The following LILRB1 variants were observed in gnomAD, a reference collection of about 807,000 sequenced individuals.
The protein encoded by LILRB1 is leukocyte immunoglobulin-like receptor subfamily B member 1.
A neutral mutation model predicts 74.6 loss-of-function variants in LILRB1; 59 were observed. The ratio of observed to expected loss-of-function variants is 0.79; its 90% CI spans 0.64 to 0.98. The LOEUF (loss-of-function observed/expected upper bound fraction) is 0.98, where lower values mean the gene tolerates loss of function less well. Among genes scored for constraint, LILRB1 ranks in the 50% least tolerant of loss-of-function variants. The pLI, the probability that LILRB1 is intolerant of heterozygous loss-of-function variation, is 0.00. For missense variants in LILRB1, 804 were observed against 822.6 expected (o/e 0.98, Z 0.28); for synonymous variants, 328 against 333.9 (o/e 0.98, Z 0.19).
intron 1 of LILRB1, among the ~76,000 whole-genome samples, chr19:54,624,584 G>T (rs937557279): frequency 6.6e-6 from 1 of 152,100 alleles, no homozygotes; most frequent in African/African-American, 2.4e-5. Flanking sequence ...GTTGCTGGCT[G>T]GGTGGGCCCG....
In LILRB1 at chr19:54,634,670, G is replaced by A. The variant is rs574281233; in HGVS notation, c.1393G>A (p.Gly465Ser). Residue 465 changes from glycine (G) to serine (S), a missense_variant, in exon 10 of 15, where the codon GGC (glycine) becomes AGC (serine). Physicochemically the swap from Gly to Ser is moderately conservative, Grantham distance 56. Coordinates refer to ENST00000324602, the MANE Select transcript of LILRB1 (RefSeq NM_001081637.3). ...GGGAAGGCACCTGGGGGTTGTGATC[G>A]GCATCTTGGTGGCCGTCATCCTACT... The part of the protein sequence containing the change: ...GLGRHLGVVI[G>S]ILVAVILLLL... 1.7e-5 allele frequency: 28 copies of A among 1,613,866 alleles called. 1 individual carries two copies. The highest frequency in any genetic ancestry group is 3.3e-4 in the Middle Eastern group (2 of 6,058).
At chr19:54,629,074 C>T (rs1334474305), upstream of LILRB1, among the ~76,000 whole-genome samples, 1 of 152,214 alleles carries the variant, frequency 6.6e-6, no homozygotes, top group Non-Finnish European at 1.5e-5. Context: ...AACTCAAAAT[C>T]CAGACAACCC....
chr19:54,625,944 G>A (rs1272286038), upstream of LILRB1, among the ~76,000 whole-genome samples: 5 of 148,962 alleles, frequency 3.4e-5, no homozygotes, highest in African/African-American at 5.0e-5. Flanking sequence ...CCCCTTCCCC[G>A]TGTTAGAGAA....
intron 1 of LILRB1, among the ~76,000 whole-genome samples, chr19:54,620,568 T>C (rs2063429152): frequency 6.6e-6 from 1 of 152,154 alleles, no homozygotes; most frequent in African/African-American, 2.4e-5. Context: ...GAGATCCAAA[T>C]GCACAGGAGG....
chr19:54,632,335 C>G, intron 5 of LILRB1, 98 bp downstream of exon 5: 1 of 1,553,054 alleles, frequency 6.4e-7, no homozygotes, highest in Non-Finnish European at 8.7e-7. Context: ...GATGTTGGGG[C>G]GAGAGGGCTC....
intron 1 of LILRB1, among the ~76,000 whole-genome samples, chr19:54,619,602 C>G (rs890406500): frequency 1.3e-4 from 20 of 152,126 alleles, no homozygotes; most frequent in Non-Finnish European, 1.0e-4. Context: ...TGATAGCTCT[C>G]TCCTTCACCT....
Position 54,633,871 on chromosome 19 carries a change from A to G in LILRB1, c.1313-100A>G, listed in dbSNP as rs376762872. 18,164 of 1,491,372 alleles carry G rather than the reference A, an allele frequency of 0.012. 1,500 individuals carry two copies. In the African/African-American group the frequency reaches 0.2, roughly 16 times the overall value. The allele number at this position is 1,491,372 out of a possible 1,614,324, so 92.4% of individuals were successfully genotyped here. A position where few individuals can be genotyped will look rare whatever the true frequency, so the allele number is the denominator to read the frequency against. On this transcript the variant is annotated intron_variant, in intron 8 of 14. Transcript: ENST00000324602. ...CTGGGCTGGTGAGGGGTGGGGGGTC[A>G]AGGCAGAGAGAAATGTTGGGGCCCA...
chr19:54,634,484 A>G (rs2064215208), intron 9 of LILRB1, 157 bp from the exon 10 acceptor site: 10 of 1,517,122 alleles, frequency 6.6e-6, no homozygotes, highest in Middle Eastern at 1.8e-4. Flanking sequence ...TCTGAGCGTC[A>G]GTTTTTCATC....
chr19:54,637,952 T>C lies in LILRB1; in HGVS notation c.*1074T>C, dbSNP rs760476555. ...CAGAGAATCTGACTCATTTTAGATG[T>C]GTGTGTGTGTGTATATATATGTGTG... On this transcript the variant is annotated 3_prime_UTR_variant, in exon 15 of 15. Coordinates refer to ENST00000324602, the MANE Select transcript of LILRB1 (RefSeq NM_001081637.3). Among the ~76,000 whole-genome samples, 2 of 146,906 alleles carry C rather than the reference T, an allele frequency of 1.4e-5. No homozygotes were observed. Among genetic ancestry groups the C allele is most frequent in the Non-Finnish European group, 2.9e-5 (2 of 67,894 alleles).
chr19:54,629,110 G>C (rs989274114), upstream of LILRB1, among the ~76,000 whole-genome samples: 1 of 152,132 alleles, frequency 6.6e-6, no homozygotes, highest in Non-Finnish European at 1.5e-5. Flanking sequence ...TTGAATTCCT[G>C]GGGTCTCTTA....
At chr19:54,630,755 G>T in intron 1 of LILRB1, 122 bp downstream of exon 1, 1 of 718,470 alleles carries the variant, frequency 1.4e-6, no homozygotes, top group South Asian at 1.5e-5. Flanking sequence ...ACACAGGAAG[G>T]AACCAGTTTT....
chr19:54,633,339 C>T (rs2064087180), intron 7 of LILRB1, 21 bp downstream of exon 7: 1 of 1,605,168 alleles, frequency 6.2e-7, no homozygotes, highest in East Asian at 2.2e-5. Flanking sequence ...TGACCCTGTC[C>T]TCTCTGAGCT....
Position 54,631,248 on chromosome 19 carries a change from C to T in LILRB1, c.35-23C>T, listed in dbSNP as rs139167244. 7.0e-3 allele frequency: 11,338 copies of T among 1,613,884 alleles called. 67 individuals carry two copies. Among genetic ancestry groups the T allele is most frequent in the South Asian group, 0.029 (2,647 of 91,066 alleles). ...CTGCCCAGGCTTCAGGGGGCAAATCCCTCACCGGGAACTCTCTTCCAGGGC... is the reference window on the plus strand; with the variant it reads ...CTGCCCAGGCTTCAGGGGGCAAATCTCTCACCGGGAACTCTCTTCCAGGGC... On this transcript the variant is annotated intron_variant, in intron 2 of 14. Transcript: ENST00000324602.
upstream of LILRB1, chr19:54,630,472 C>T (rs2146231460): frequency 2.6e-6 from 1 of 383,762 alleles, no homozygotes; most frequent in South Asian, 1.9e-5. Flanking sequence ...AACTTTTCTT[C>T]CCTATTTCCC....
chr19:54,630,107 G>C (rs1423731240), upstream of LILRB1, among the ~76,000 whole-genome samples: 1 of 152,248 alleles, frequency 6.6e-6, no homozygotes, highest in Non-Finnish European at 1.5e-5. Context: ...ACTGTCACGA[G>C]TGGGATTTGT....
rs531820343 is a variant in LILRB1 at position 54,636,788 on chromosome 19, C to G, written c.1869C>G (p.Thr623=). 2.4e-5 allele frequency: 38 copies of G among 1,613,182 alleles called. No homozygotes were observed. In the South Asian group the frequency reaches 4.0e-4, roughly 17 times the overall value. The change falls in exon 15 of 15, where the codon ACC becomes ACG. Residue 623 remains threonine (T), a synonymous_variant. Coordinates refer to ENST00000324602, the MANE Select transcript of LILRB1 (RefSeq NM_001081637.3). ...CCTACGCCCAGCTGCACAGCTTGAC[C>G]CTCAGACGGGAGGCAACTGAGCCTC... The part of the protein sequence containing the change: ...DVTYAQLHSL[T]LRREATEPPP...
In LILRB1 at chr19:54,633,996, C is replaced by A. The variant is rs749508942; in HGVS notation, c.1338C>A (p.Thr446=). The A allele has an allele frequency of 6.3e-7, 1 of 1,598,726 alleles. No individual in the cohort carries two copies. The highest frequency in any genetic ancestry group is 1.1e-5 in the South Asian group (1 of 88,042). Residue 446 remains threonine (T), a synonymous_variant, in exon 9 of 15, where the codon ACC becomes ACA. Coordinates refer to ENST00000324602, the MANE Select transcript of LILRB1 (RefSeq NM_001081637.3). Reference sequence around the variant, plus strand: ...CAGGCCCTGAGGACCAGCCCCTCACCCCCACCGGGTCGGATCCCCAGAGTG... The same window carrying A: ...CAGGCCCTGAGGACCAGCCCCTCACACCCACCGGGTCGGATCCCCAGAGTG... ...TSAGPEDQPL[T]PTGSDPQSGL...
intron 1 of LILRB1, among the ~76,000 whole-genome samples, chr19:54,619,524 C>T (rs2063399487): frequency 6.6e-6 from 1 of 152,072 alleles, no homozygotes. Context: ...ATTCTATAAT[C>T]TGTCTTTTTG....
intron 13 of LILRB1, chr19:54,636,264 G>C: frequency 1.3e-6 from 1 of 795,502 alleles, no homozygotes; most frequent in Non-Finnish European, 2.0e-6. Flanking sequence ...AGGCAGCAGC[G>C]AGCTCTTGCA....
Sources: gnomAD v4.1 joint callset for allele counts (sites outside exome capture counted in the v4.1 genomes callset) on GRCh38, gnomAD v4.1.1 for gene constraint, MANE v1.5 for transcripts, NCBI Gene and HGNC (gene_info 2026-07-23, HGNC 2026-07-21) for gene names.